GRIN2A: variants seen among roughly 807,000 people sequenced by gnomAD.
GRIN2A encodes glutamate ionotropic receptor NMDA type subunit 2A.
GRIN2A carries 22 observed loss-of-function variants against 113.4 expected under a neutral mutation model. The observed-to-expected ratio is 0.19, with a 90% CI of 0.14 to 0.28. GRIN2A has a LOEUF of 0.28. Among genes scored for constraint, GRIN2A ranks in the 10% least tolerant of loss-of-function variants. The pLI is 1.00. For missense variants in GRIN2A, 1,502 were observed against 1,887.0 expected, an observed-to-expected ratio of 0.80 and a Z score of 3.78; for synonymous variants, 827 against 738.4, an observed-to-expected ratio of 1.12 and a Z score of -1.94.
intron 2 of GRIN2A, among the ~76,000 whole-genome samples, chr16:9,952,268 C>T (rs567684355): frequency 6.6e-6 from 1 of 152,074 alleles, no homozygotes; most frequent in African/African-American, 2.4e-5. Flanking sequence ...CCCAACCCAG[C>T]AAGAGAGGGT....
At chr16:10,109,880 C>CA (rs949501978) in intron 2 of GRIN2A, among the ~76,000 whole-genome samples, 5 of 146,086 alleles carry the variant, frequency 3.4e-5, no homozygotes, top group East Asian at 4.4e-4. Context: ...TATGTACCCA[C>CA]AAAAAAAATA....
rs1020834816 is a variant in GRIN2A, at chr16:10,157,502, T to G, written c.414+22496A>C. ...CGGGTAATTTATAGAGGAAGAGGTT[T>G]AATTGACTCACAGTTCTGCATGGCT... On this transcript the variant is annotated intron_variant, in intron 2 of 12. Transcript: ENST00000330684. 6.6e-4 allele frequency among the ~76,000 whole-genome samples: 101 copies of G among 152,336 alleles called. 2 individuals are homozygous for G. Among genetic ancestry groups the G allele is most frequent in the African/African-American group, 2.3e-3 (96 of 41,588 alleles).
intron 2 of GRIN2A, among the ~76,000 whole-genome samples, chr16:9,947,789 T>C (rs1405148170): frequency 1.3e-5 from 2 of 152,180 alleles, no homozygotes; most frequent in Non-Finnish European, 2.9e-5. Context: ...TTCTCATTTT[T>C]TTTTTTAAAT....
intron 4 of GRIN2A, among the ~76,000 whole-genome samples, chr16:9,850,751 G>C (rs970630350): frequency 6.6e-6 from 1 of 152,140 alleles, no homozygotes; most frequent in Non-Finnish European, 1.5e-5. Context: ...ACTGCTTAGC[G>C]TACATCAAGA....
rs1163766811 is a variant in GRIN2A, at chr16:9,764,512, C to T, written c.3032G>A (p.Arg1011Gln). ...ATCCACGGATTTCTTCCACAGCTGC[C>T]GGGGTCTAGAGTTCGCTTTGGATTC... ...STESKANSRP[R>Q]QLWKKSVDSI... Residue 1011 changes from arginine (R) to glutamine (Q), a missense_variant, in exon 13 of 13, where the codon CGG (arginine) becomes CAG (glutamine). Arg to Gln is a conservative substitution (Grantham distance 43, BLOSUM62 1). This residue lies in a region of GRIN2A where 832 missense variants were observed against 789.7 expected (regional missense o/e 1.05). Transcript: ENST00000330684. The T allele has an allele frequency of 5.6e-6, 9 of 1,613,912 alleles. No homozygotes were observed. Among genetic ancestry groups the T allele is most frequent in the African/African-American group, 1.3e-5 (1 of 74,886 alleles).
intron 3 of GRIN2A, among the ~76,000 whole-genome samples, chr16:9,896,921 A>T (rs751715032): frequency 1.3e-4 from 20 of 152,320 alleles, no homozygotes; most frequent in Non-Finnish European, 1.6e-4. Context: ...CTTGTATTAA[A>T]CAGTAAAATC....
intron 2 of GRIN2A, among the ~76,000 whole-genome samples, chr16:10,175,231 G>A (rs979308540): frequency 2.0e-5 from 3 of 152,156 alleles, no homozygotes; most frequent in Non-Finnish European, 2.9e-5. Flanking sequence ...TTCTCAGAAC[G>A]TGTCCCACCA....
At chr16:9,786,180 G>T (rs1333704501) in intron 11 of GRIN2A, among the ~76,000 whole-genome samples, 2 of 152,222 alleles carry the variant, frequency 1.3e-5, no homozygotes, top group African/African-American at 4.8e-5. Flanking sequence ...AAGAAGCTCT[G>T]TGGGGAACAA....
intron 2 of GRIN2A, among the ~76,000 whole-genome samples, chr16:10,128,371 G>A (rs773581108): frequency 6.6e-6 from 1 of 152,172 alleles, no homozygotes; most frequent in Non-Finnish European, 1.5e-5. Flanking sequence ...ATCGTTTTAT[G>A]AACTGTACCC....
At chr16:10,131,627 G>A (rs2049066278) in intron 2 of GRIN2A, among the ~76,000 whole-genome samples, 2 of 152,168 alleles carry the variant, frequency 1.3e-5, no homozygotes, top group African/African-American at 4.8e-5. Context: ...CTCAGAGAAA[G>A]GGCGTCTGTT....
At position 9,936,668 on chromosome 16, in the gene GRIN2A, C is replaced by A. The variant is rs149240494; in HGVS notation, c.1007+1291G>T. ...TAAATGTTCGCCAAGATGGGAGTAG[C>A]TAAATAAATTATGATACATTCACAT... On this transcript the variant is annotated intron_variant, in intron 3 of 12. Coordinates refer to ENST00000330684, the MANE Select transcript of GRIN2A (RefSeq NM_001134407.3). Among the ~76,000 whole-genome samples, 1,489 of 152,172 alleles carry A rather than the reference C, an allele frequency of 9.8e-3. 36 individuals are homozygous for A. Among genetic ancestry groups the A allele is most frequent in the African/African-American group, 0.034 (1,412 of 41,508 alleles).
intron 2 of GRIN2A, among the ~76,000 whole-genome samples, chr16:10,116,498 C>T (rs2048730840): frequency 6.6e-6 from 1 of 151,978 alleles, no homozygotes; most frequent in Non-Finnish European, 1.5e-5. Flanking sequence ...GGAAATAGAA[C>T]CATGGAAGCT....
At chr16:10,154,142 C>T (rs1041335966) in intron 2 of GRIN2A, among the ~76,000 whole-genome samples, 1 of 152,158 alleles carries the variant, frequency 6.6e-6, no homozygotes, top group Non-Finnish European at 1.5e-5. Context: ...CCTTAAGAGC[C>T]AGCGTATGAC....
At chr16:9,975,425 G>A (rs540946736) in intron 2 of GRIN2A, among the ~76,000 whole-genome samples, 4 of 152,282 alleles carry the variant, frequency 2.6e-5, no homozygotes, top group South Asian at 2.1e-4. Flanking sequence ...GAGACTCAAA[G>A]TGTCAGAAGA....
chr16:10,026,248 ACGTCAC>A (rs1346883713), intron 2 of GRIN2A, among the ~76,000 whole-genome samples: 1 of 152,200 alleles, frequency 6.6e-6, no homozygotes, highest in African/African-American at 2.4e-5. Flanking sequence ...GGGGCAAGTC[ACGTCAC>A]CTTCCTAAGC....
chr16:10,112,754 C>T (rs988954445), intron 2 of GRIN2A: 1 of 720,214 alleles, frequency 1.4e-6, no homozygotes, highest in South Asian at 1.4e-5. Context: ...TTGTGCCCTA[C>T]CTCATAGCGA....
intron 2 of GRIN2A, among the ~76,000 whole-genome samples, chr16:9,984,434 C>T (rs1489554523): frequency 1.3e-5 from 2 of 152,142 alleles, no homozygotes; most frequent in African/African-American, 4.8e-5. Flanking sequence ...TTTTTGCAGA[C>T]CAATGCCCTG....
At chr16:9,997,212 T>C (rs144416472) in intron 2 of GRIN2A, among the ~76,000 whole-genome samples, 302 of 152,304 alleles carry the variant, frequency 2.0e-3, no homozygotes, top group Non-Finnish European at 3.4e-3. Context: ...CAGTAATCAC[T>C]AGTGTTGGAG....
At chr16:9,870,528 A>C (rs533306161) in intron 4 of GRIN2A, among the ~76,000 whole-genome samples, 38 of 152,094 alleles carry the variant, frequency 2.5e-4, no homozygotes, top group Non-Finnish European at 3.8e-4. Flanking sequence ...TTATTTTCTC[A>C]TTTCACTTGA....
Sources: gnomAD v4.1 joint callset for allele counts (sites outside exome capture counted in the v4.1 genomes callset) on GRCh38, gnomAD v4.1.1 for gene constraint, gnomAD v4.1.1 regional missense constraint, MANE v1.5 for transcripts, NCBI Gene and HGNC (gene_info 2026-07-23, HGNC 2026-07-21) for gene names.